Variants in TNPO1 observed in about 807,000 individuals in gnomAD.
The protein encoded by TNPO1 is transportin-1.
In TNPO1, 8 loss-of-function variants were observed where a neutral mutation model predicts 119.5. The ratio of observed to expected loss-of-function variants is 0.07; its 90% CI spans 0.04 to 0.12. The LOEUF (loss-of-function observed/expected upper bound fraction) is 0.12. TNPO1 is among the 10% of genes least tolerant of loss of function. TNPO1 has a pLI of 1.00. For synonymous variants in TNPO1, 362 were observed against 363.0 expected, an observed-to-expected ratio of 1.00 and a Z score of 0.03; for missense variants, 576 against 1,089.8, an observed-to-expected ratio of 0.53 and a Z score of 6.64.
intron 1 of TNPO1, chr5:72,848,092 A>C (rs1050432706): frequency 3.3e-5 from 37 of 1,105,722 alleles, no homozygotes; most frequent in Admixed American, 1.0e-4. Context: ...CCGTGAGCGG[A>C]TCTTGGGGCC....
chr5:72,841,336 C>T (rs2112218571), intron 1 of TNPO1, among the ~76,000 whole-genome samples: 1 of 152,262 alleles, frequency 6.6e-6, no homozygotes, highest in Middle Eastern at 3.4e-3. Flanking sequence ...CCAGGCTGGT[C>T]TCGAACTCCT....
chr5:72,887,734 A>T (rs2112440870), intron 12 of TNPO1, among the ~76,000 whole-genome samples: 1 of 152,234 alleles, frequency 6.6e-6, no homozygotes, highest in African/African-American at 2.4e-5. Flanking sequence ...AAAGGCTCTG[A>T]TGTCTGAAGC....
chr5:72,890,499 T>C (rs1748967413), intron 14 of TNPO1, among the ~76,000 whole-genome samples: 1 of 152,238 alleles, frequency 6.6e-6, no homozygotes, highest in Non-Finnish European at 1.5e-5. Flanking sequence ...AATTTTAATA[T>C]AGCTCCACAT....
At chr5:72,817,933 GTTTTCCAC>G (rs1261779458) in intron 1 of TNPO1, among the ~76,000 whole-genome samples, 2 of 152,154 alleles carry the variant, frequency 1.3e-5, no homozygotes, top group African/African-American at 4.8e-5. Context: ...GAAAGGATCT[GTTTTCCAC>G]TTTCACCTTA....
intron 1 of TNPO1, among the ~76,000 whole-genome samples, chr5:72,824,448 C>A (rs767532204): frequency 6.6e-6 from 1 of 152,218 alleles, no homozygotes; most frequent in Non-Finnish European, 1.5e-5. Flanking sequence ...AGAAACAGCT[C>A]CTCTGGTTCT....
chr5:72,848,176 C>G (rs1407177326), intron 1 of TNPO1: 5 of 1,224,110 alleles, frequency 4.1e-6, no homozygotes, highest in South Asian at 2.6e-5. Flanking sequence ...CAGCAGCAGA[C>G]GCTGGCGGCC....
intron 1 of TNPO1, among the ~76,000 whole-genome samples, chr5:72,843,531 T>C (rs1745001935): frequency 6.6e-6 from 1 of 151,556 alleles, no homozygotes; most frequent in South Asian, 2.1e-4. Flanking sequence ...GAGGCGGACG[T>C]TGCAGTGAGC....
Position 72,859,248 on chromosome 5 carries a change from T to C in TNPO1, c.356-2560T>C, listed in dbSNP as rs572807729. 2.6e-5 allele frequency among the ~76,000 whole-genome samples: 4 copies of C among 152,260 alleles called. No homozygotes were observed. In the East Asian group the frequency reaches 7.7e-4, roughly 29 times the overall value. Reference sequence around the variant, plus strand: ...CTTGACATTTTGGACTGGATAATTCTTTGTTGTTGGGCTATTTTGTCTGTG... The same window carrying C: ...CTTGACATTTTGGACTGGATAATTCCTTGTTGTTGGGCTATTTTGTCTGTG... On this transcript the variant is annotated intron_variant, in intron 4 of 24. Coordinates refer to ENST00000337273, the MANE Select transcript of TNPO1 (RefSeq NM_002270.4).
At chr5:72,844,322 CAAT>C (rs1394018687) in intron 1 of TNPO1, among the ~76,000 whole-genome samples, 1 of 152,170 alleles carries the variant, frequency 6.6e-6, no homozygotes, top group Non-Finnish European at 1.5e-5. Flanking sequence ...GAAAGACTCT[CAAT>C]AAATATTTGG....
At chr5:72,905,017 C>T (rs1750044369) in intron 23 of TNPO1, among the ~76,000 whole-genome samples, 1 of 152,110 alleles carries the variant, frequency 6.6e-6, no homozygotes, top group Non-Finnish European at 1.5e-5. Context: ...TTCACTACCA[C>T]CAGAAGAGTA....
At chr5:72,848,534 C>G in intron 2 of TNPO1, 36 bp downstream of exon 2, 1 of 1,418,824 alleles carries the variant, frequency 7.0e-7, no homozygotes. Flanking sequence ...ACCCGCGCAG[C>G]TCGCCCCGCG....
At chr5:72,892,487 ACCAAGAGC>A (rs755981633) in intron 15 of TNPO1, among the ~76,000 whole-genome samples, 52 of 152,080 alleles carry the variant, frequency 3.4e-4, no homozygotes, top group Non-Finnish European at 6.5e-4. Flanking sequence ...ATTTTCTATG[ACCAAGAGC>A]AATTCTGGGC....
At chr5:72,877,140 G>T in intron 8 of TNPO1, 88 bp from the exon 9 acceptor site, 3 of 637,810 alleles carry the variant, frequency 4.7e-6, no homozygotes, top group Middle Eastern at 4.8e-4. Context: ...AAAACCATAA[G>T]GTCAAAAGCT....
chr5:72,877,724 A>G (rs1234836194), intron 9 of TNPO1, among the ~76,000 whole-genome samples: 1 of 152,112 alleles, frequency 6.6e-6, no homozygotes, highest in Non-Finnish European at 1.5e-5. Flanking sequence ...AACAGAATTT[A>G]GTTAACTTAA....
chr5:72,890,672 T>C (rs769921671), intron 14 of TNPO1, among the ~76,000 whole-genome samples: 4 of 152,198 alleles, frequency 2.6e-5, no homozygotes, highest in African/African-American at 4.8e-5. Context: ...TGAATGTCTT[T>C]AGAGTCTGTG....
chr5:72,821,773 G>T (rs1407548811), intron 1 of TNPO1, among the ~76,000 whole-genome samples: 2 of 152,142 alleles, frequency 1.3e-5, no homozygotes, highest in African/African-American at 4.8e-5. Flanking sequence ...ATAGATTAGG[G>T]GGAATGTCTG....
At chr5:72,880,818 A>G (rs1324419417) in intron 9 of TNPO1, among the ~76,000 whole-genome samples, 1 of 149,676 alleles carries the variant, frequency 6.7e-6, no homozygotes, top group East Asian at 2.0e-4. Flanking sequence ...CTCCATCTCA[A>G]AAAAAAAAAA....
At position 72,903,802 on chromosome 5, in the gene TNPO1, T is replaced by C. The variant is rs1749952403; in HGVS notation, c.2589+19T>C. Reference sequence around the variant, plus strand: ...CTGTAAGGTAACTAATAAGTCTTTATAATGCATCATCTTGAGACTGTTAAT... The same window carrying C: ...CTGTAAGGTAACTAATAAGTCTTTACAATGCATCATCTTGAGACTGTTAAT... On this transcript the variant is annotated intron_variant, in intron 23 of 24. Transcript: ENST00000337273. The C allele has an allele frequency of 6.7e-7, 1 of 1,499,598 alleles. No homozygotes were observed. The highest frequency in any genetic ancestry group is 9.2e-7 in the Non-Finnish European group (1 of 1,089,008). 92.9% of individuals were successfully genotyped at this position (1,499,598 alleles called of 1,614,324 possible).
rs756167263 is a variant in TNPO1, at chr5:72,872,545, CAT to C, written c.597-92_597-91del. The C allele has an allele frequency of 4.3e-4, 331 of 768,626 alleles. 1 individual carries two copies. The highest frequency in any genetic ancestry group is 6.4e-4 in the Non-Finnish European group (310 of 485,444). The allele number at this position is 768,626 out of a possible 1,614,324, so 47.6% of individuals were successfully genotyped here. On this transcript the variant is annotated intron_variant, in intron 6 of 24. Coordinates refer to ENST00000337273, the MANE Select transcript of TNPO1 (RefSeq NM_002270.4). ...TTAGTGGGTATATTGATAGACATAT[CAT>C]AATATTTTTATGGAGGAATGTTTTT...
Sources: allele counts gnomAD v4.1 joint callset (sites outside exome capture counted in the v4.1 genomes callset), GRCh38; gene constraint gnomAD v4.1.1; transcripts MANE v1.5; gene names NCBI Gene and HGNC (gene_info 2026-07-23, HGNC 2026-07-21).